PUM2: variants seen among roughly 807,000 people sequenced by gnomAD.
PUM2 encodes pumilio RNA binding family member 2, also known as pumilio homolog 2.
A neutral mutation model predicts 124.5 loss-of-function variants in PUM2; 57 were observed. The observed-to-expected ratio is 0.46, with a 90% CI of 0.37 to 0.57. The LOEUF is 0.57. PUM2 is among the 20% of genes least tolerant of loss of function. PUM2 has a pLI of 0.00. For missense variants in PUM2, 1,065 were observed against 1,290.6 expected, an observed-to-expected ratio of 0.83 and a Z score of 2.68; for synonymous variants, 460 against 446.1, an observed-to-expected ratio of 1.03 and a Z score of -0.39.
At chr2:20,283,527 A>G in intron 10 of PUM2, 41 bp from the exon 11 acceptor site, 1 of 1,552,954 alleles carries the variant, frequency 6.4e-7, no homozygotes, top group South Asian at 1.1e-5. Context: ...CACTTATTAC[A>G]AAAACATGCA....
Position 20,311,500 on chromosome 2 carries a change from T to A in PUM2, c.512A>T (p.Asp171Val), listed in dbSNP as rs776007358. Residue 171 changes from aspartate to valine, a missense_variant, in exon 5 of 21, where the codon GAT becomes GTT. Asp to Val is a radical substitution (Grantham distance 152). Coordinates refer to ENST00000361078, the MANE Select transcript of PUM2 (RefSeq NM_015317.5). ...LPNGMDADCK[D>V]FNRTPGSRQA... Reference sequence around the variant, plus strand: ...GAGAAAGTTAAAATCTTACTTAAAATCTTTGCAATCGGCATCCATTCCATT... The same window carrying A: ...GAGAAAGTTAAAATCTTACTTAAAAACTTTGCAATCGGCATCCATTCCATT... The A allele has an allele frequency of 6.2e-7, 1 of 1,606,024 alleles. No individual in the cohort carries two copies. Among genetic ancestry groups the A allele is most frequent in the Admixed American group, 1.7e-5 (1 of 57,890 alleles).
intron 9 of PUM2, among the ~76,000 whole-genome samples, chr2:20,294,047 CT>C (rs1674892388): frequency 6.6e-6 from 1 of 151,868 alleles, no homozygotes. Context: ...ATTTAAATAC[CT>C]GGAAAAATAT....
At chr2:20,281,070 T>C (rs1342360486) in intron 12 of PUM2, among the ~76,000 whole-genome samples, 1 of 152,106 alleles carries the variant, frequency 6.6e-6, no homozygotes, top group African/African-American at 2.4e-5. Flanking sequence ...ATTGCCATAA[T>C]GTGAAAAGGC....
intron 1 of PUM2, chr2:20,331,980 T>C (rs937450465): frequency 6.6e-6 from 1 of 152,222 alleles, no homozygotes; most frequent in Admixed American, 6.5e-5. Context: ...TATGTCCCAA[T>C]AAAACTTGAT....
chr2:20,253,685 A>G, intron 20 of PUM2, 137 bp downstream of exon 20: 1 of 806,074 alleles, frequency 1.2e-6, no homozygotes, highest in Middle Eastern at 3.4e-4. Flanking sequence ...ATACCAATAT[A>G]TCTGCCAAAG....
rs1572531764 is a variant in PUM2, at chr2:20,255,949, T to C, written c.2622+84A>G. The C allele has an allele frequency of 5.3e-6, 7 of 1,330,184 alleles. No homozygotes were observed. In the East Asian group the frequency reaches 1.9e-4, roughly 36 times the overall value. The allele number at this position is 1,330,184 out of a possible 1,614,324, so 82.4% of individuals were successfully genotyped here. ...TTGTATACAATTGCTGGGTATTATC[T>C]AGTGACTCATGAAAAACGTGTTGAT... On this transcript the variant is annotated intron_variant, in intron 17 of 20. Transcript: ENST00000361078.
At chr2:20,285,421 A>G (rs538279231) in intron 10 of PUM2, among the ~76,000 whole-genome samples, 2 of 152,320 alleles carry the variant, frequency 1.3e-5, no homozygotes, top group Admixed American at 1.3e-4. Flanking sequence ...AGCTCTGAAT[A>G]TGGCCCACAA....
chr2:20,279,245 T>C (rs987452183), intron 12 of PUM2, among the ~76,000 whole-genome samples: 4 of 152,178 alleles, frequency 2.6e-5, no homozygotes, highest in African/African-American at 9.7e-5. Flanking sequence ...GAAAAGATTA[T>C]ATGAATAAAT....
At chr2:20,312,568 AG>A (rs756363125) in intron 3 of PUM2, 145 bp from the exon 4 acceptor site, 6 of 761,278 alleles carry the variant, frequency 7.9e-6, no homozygotes, top group Non-Finnish European at 1.2e-5. Flanking sequence ...AGCTCTTCAT[AG>A]GACACAAACA....
Position 20,290,745 on chromosome 2 carries a change from C to T in PUM2, c.1198G>A (p.Gly400Ser), listed in dbSNP as rs1402209226. ...GATTCTGCTTGCTGCCCTTGCTGACCCTGATTGGGAGTAAGAGGACGCTGA... is the reference window on the plus strand; with the variant it reads ...GATTCTGCTTGCTGCCCTTGCTGACTCTGATTGGGAGTAAGAGGACGCTGA... Reference protein sequence around the residue: ...AGQRPLTPNQGQQGQQAESLA... With the variant: ...AGQRPLTPNQSQQGQQAESLA... Residue 400 changes from glycine to serine, a missense_variant, in exon 10 of 21, where the codon GGT (glycine) becomes AGT (serine). Physicochemically the swap from Gly to Ser is moderately conservative, Grantham distance 56. Coordinates refer to ENST00000361078, the MANE Select transcript of PUM2 (RefSeq NM_015317.5). The T allele has an allele frequency of 3.1e-6, 5 of 1,612,818 alleles. No homozygotes were observed. The highest frequency in any genetic ancestry group is 4.2e-6 in the Non-Finnish European group (5 of 1,179,726).
intron 2 of PUM2, among the ~76,000 whole-genome samples, chr2:20,325,936 T>TA (rs1683579214): frequency 6.6e-6 from 1 of 152,212 alleles, no homozygotes; most frequent in South Asian, 2.1e-4. Flanking sequence ...CTCTTGCTCT[T>TA]AAAGAATTAT....
intron 2 of PUM2, 134 bp from the exon 3 acceptor site, chr2:20,318,779 T>C (rs1190353741): frequency 7.1e-6 from 4 of 564,016 alleles, no homozygotes; most frequent in Non-Finnish European, 1.2e-5. Flanking sequence ...ACCTATTTTC[T>C]AAGCTGTTTT....
At chr2:20,279,184 A>T (rs1397164945) in intron 12 of PUM2, among the ~76,000 whole-genome samples, 5 of 152,140 alleles carry the variant, frequency 3.3e-5, no homozygotes, top group African/African-American at 1.2e-4. Context: ...TTAAATTCTG[A>T]TAGTATCCTA....
intron 9 of PUM2, among the ~76,000 whole-genome samples, chr2:20,293,880 A>G (rs993073995): frequency 6.6e-6 from 1 of 150,578 alleles, no homozygotes; most frequent in Admixed American, 6.6e-5. Context: ...AGTTCTTTTG[A>G]AAAAGGCTCA....
chr2:20,336,284 C>T (rs1686001149), intron 1 of PUM2, among the ~76,000 whole-genome samples: 1 of 151,794 alleles, frequency 6.6e-6, no homozygotes, highest in African/African-American at 2.4e-5. Context: ...ACCTCCTGGG[C>T]TAGTGATCCA....
At chr2:20,275,302 T>C (rs1006254714) in intron 13 of PUM2, among the ~76,000 whole-genome samples, 6 of 151,994 alleles carry the variant, frequency 3.9e-5, no homozygotes, top group African/African-American at 9.7e-5. Context: ...AATCTACCCA[T>C]TTGTAGATAA....
intron 13 of PUM2, among the ~76,000 whole-genome samples, chr2:20,267,392 G>A (rs1320339291): frequency 6.6e-6 from 1 of 152,136 alleles, no homozygotes; most frequent in Non-Finnish European, 1.5e-5. Flanking sequence ...GAGAGGGAGA[G>A]AGAATCATAC....
chr2:20,292,296 GTTT>G (rs76264694), intron 9 of PUM2, among the ~76,000 whole-genome samples: 1 of 138,348 alleles, frequency 7.2e-6, no homozygotes, highest in Non-Finnish European at 1.6e-5. Context: ...ACAGTTGGTA[GTTT>G]TTTTTTTTTT....
intron 1 of PUM2, among the ~76,000 whole-genome samples, chr2:20,342,384 GCT>G (rs749978098): frequency 6.6e-6 from 1 of 152,160 alleles, no homozygotes; most frequent in Non-Finnish European, 1.5e-5. Context: ...TCCTTTGCAA[GCT>G]CTGAGTACAT....
Sources: gnomAD v4.1 joint callset for allele counts (sites outside exome capture counted in the v4.1 genomes callset) on GRCh38, gnomAD v4.1.1 for gene constraint, MANE v1.5 for transcripts, NCBI Gene and HGNC (gene_info 2026-07-23, HGNC 2026-07-21) for gene names.